The following ANAPC15 variants were observed in gnomAD, a reference collection of about 807,000 sequenced individuals.
The protein encoded by ANAPC15 is anaphase-promoting complex subunit 15.
Under a neutral mutation model 19.8 loss-of-function variants are expected in ANAPC15, and 13 were observed. The observed-to-expected ratio is 0.66, with a 90% CI of 0.43 to 1.04. ANAPC15 has a LOEUF of 1.04. Ranked by LOEUF, ANAPC15 falls within the 50% of genes least tolerant of loss-of-function variation. ANAPC15 has a pLI of 0.00. For missense variants in ANAPC15, 88 were observed against 150.3 expected (o/e 0.59, Z 2.17); for synonymous variants, 45 against 50.7 (o/e 0.89, Z 0.47).
chr11:72,108,147 T>A (rs1434060772), downstream of ANAPC15: 2 of 1,470,188 alleles, frequency 1.4e-6, no homozygotes, highest in South Asian at 1.4e-5. Flanking sequence ...CCAACCCAGA[T>A]TTTTGTCACC....
downstream of ANAPC15, chr11:72,108,632 G>T: frequency 6.7e-7 from 1 of 1,493,866 alleles, no homozygotes. Flanking sequence ...CAGCTCAGAG[G>T]ACGTGATCCC....
At chr11:72,107,385 G>A, downstream of ANAPC15, 1 of 687,232 alleles carries the variant, frequency 1.5e-6, no homozygotes, top group Non-Finnish European at 2.7e-6. Flanking sequence ...GAAAGATAGG[G>A]TGGTTGTTTC....
intron 3 of ANAPC15, 199 bp from the exon 4 acceptor site, chr11:72,110,802 CTTTT>C: frequency 1.7e-6 from 1 of 600,510 alleles, no homozygotes. Context: ...TCTGAGCCTT[CTTTT>C]TTTTGTATAA....
downstream of ANAPC15, chr11:72,107,215 C>T (rs978336612): frequency 2.7e-5 from 15 of 552,266 alleles, no homozygotes; most frequent in African/African-American, 2.3e-4. Flanking sequence ...TGCAGTGAGC[C>T]GTGATCATGC....
downstream of ANAPC15, chr11:72,108,640 C>G: frequency 6.7e-7 from 1 of 1,501,216 alleles, no homozygotes; most frequent in Non-Finnish European, 8.9e-7. Flanking sequence ...AGGACGTGAT[C>G]CCGTGCCTAC....
rs1434718520 is a variant in ANAPC15, at chr11:72,112,524, C to G, written c.-96+126G>C. The G allele has an allele frequency of 1.2e-5, 4 of 324,678 alleles. No homozygotes were observed. The Admixed American group carries it at 1.6e-4, about 13-fold the overall frequency. 20.1% of individuals were successfully genotyped at this position (324,678 alleles called of 1,614,324 possible). A position where few individuals can be genotyped will look rare whatever the true frequency, so the allele number is the denominator to read the frequency against. On this transcript the variant is annotated intron_variant, in intron 1 of 5. Transcript: ENST00000227618. ...CGAGGAAGCGGCCAATGAGCTGGAG[C>G]TCTTTAAGGGTTAAGGACTCTCAAT...
chr11:72,109,424 C>A, downstream of ANAPC15: 1 of 452,308 alleles, frequency 2.2e-6, no homozygotes, highest in Non-Finnish European at 4.4e-6. Context: ...GAAAATGGCA[C>A]AGAACCCTGG....
chr11:72,112,502 G>A (rs1327285426), intron 1 of ANAPC15, 148 bp downstream of exon 1: 2 of 317,988 alleles, frequency 6.3e-6, no homozygotes. Flanking sequence ...TTAGTCTCGA[G>A]GAAGCGGCCA....
chr11:72,106,403 T>G (rs1161856033), downstream of ANAPC15: 3 of 590,614 alleles, frequency 5.1e-6, no homozygotes, highest in East Asian at 9.0e-5. Flanking sequence ...GCCACCTCTT[T>G]TGTATTAGGA....
At chr11:72,108,672 G>A (rs61741195), downstream of ANAPC15, 17,871 of 1,535,518 alleles carry the variant, frequency 0.012, 112 homozygotes, top group Non-Finnish European at 0.014. Context: ...CAGCTGAGTC[G>A]GGCAGACCTG....
chr11:72,109,024 G>C, downstream of ANAPC15: 1 of 1,059,178 alleles, frequency 9.4e-7, no homozygotes, highest in Non-Finnish European at 1.3e-6. Context: ...CTTGACACAC[G>C]CTGGGCTCAG....
At chr11:72,108,917 C>T (rs752640844), downstream of ANAPC15, 21 of 1,534,652 alleles carry the variant, frequency 1.4e-5, no homozygotes, top group Non-Finnish European at 1.8e-5. Context: ...CTATGCTGGA[C>T]CAGGCTGAGG....
chr11:72,110,904 C>T (rs1946678341), intron 3 of ANAPC15: 1 of 578,010 alleles, frequency 1.7e-6, no homozygotes, highest in Non-Finnish European at 3.0e-6. Flanking sequence ...ATTTCCTGTG[C>T]TTTAGGGAAA....
chr11:72,111,389 C>G, intron 2 of ANAPC15, 23 bp downstream of exon 2: 1 of 872,340 alleles, frequency 1.1e-6, no homozygotes, highest in South Asian at 1.5e-5. Context: ...AAAGCAGCCC[C>G]TCCCCCTAGG....
downstream of ANAPC15, chr11:72,107,025 G>C (rs894222117): frequency 1.8e-4 from 32 of 178,052 alleles, no homozygotes; most frequent in Non-Finnish European, 1.6e-4. Flanking sequence ...CAGCACTTTG[G>C]GAGGCCAAAG....
chr11:72,110,661 A>C, intron 3 of ANAPC15, 58 bp from the exon 4 acceptor site: 2 of 1,601,814 alleles, frequency 1.2e-6, no homozygotes, highest in Non-Finnish European at 1.7e-6. Context: ...GGTCAGGGGC[A>C]TGGGACTGGC....
At chr11:72,112,768 C>T (rs1195479670), upstream of ANAPC15, 6 of 456,066 alleles carry the variant, frequency 1.3e-5, no homozygotes, top group Admixed American at 1.4e-4. Context: ...TTTTGTTTTC[C>T]CCGCTCCCGC....
chr11:72,111,323 T>G lies in ANAPC15; in HGVS notation c.-10-37A>C, dbSNP rs1165988321. ...GGTCAAGTGAATGTGTTTTGCTTTG[T>G]TTTTGTTTTTAATTTGGTTGTAATT... is the stretch of plus-strand genomic sequence containing the variant. On this transcript the variant is annotated intron_variant, in intron 2 of 5. Transcript: ENST00000227618. The G allele has an allele frequency of 3.3e-6, 5 of 1,505,374 alleles. No homozygotes were observed. The African/African-American group carries it at 6.9e-5, about 21-fold the overall frequency. 93.3% of individuals were successfully genotyped at this position (1,505,374 alleles called of 1,614,324 possible).
At chr11:72,110,349 T>C (rs1184094504) in intron 4 of ANAPC15, 124 bp from the exon 5 acceptor site, 1 of 1,566,466 alleles carries the variant, frequency 6.4e-7, no homozygotes, top group Non-Finnish European at 8.7e-7. Context: ...CCTCCTTGAG[T>C]CTAGCAGGCT....
Sources: gnomAD v4.1 joint callset for allele counts on GRCh38, gnomAD v4.1.1 for gene constraint, MANE v1.5 for transcripts, NCBI Gene and HGNC (gene_info 2026-07-23, HGNC 2026-07-21) for gene names.